NOS1AP: variants seen among roughly 807,000 people sequenced by gnomAD.
The protein encoded by NOS1AP is nitric oxide synthase 1 adaptor protein.
NOS1AP carries 21 observed loss-of-function variants against 56.2 expected under a neutral mutation model. The observed-to-expected ratio is 0.37, with a 90% CI of 0.26 to 0.54. NOS1AP has a LOEUF of 0.54. Among genes scored for constraint, NOS1AP ranks in the 20% least tolerant of loss-of-function variants. The pLI, the probability that NOS1AP is intolerant of heterozygous loss-of-function variation, is 0.84. For synonymous variants in NOS1AP, 270 were observed against 274.6 expected (o/e 0.98, Z 0.17); for missense variants, 522 against 657.8 (o/e 0.79, Z 2.26).
At chr1:162,090,008 C>A (rs1323459463) in intron 1 of NOS1AP, among the ~76,000 whole-genome samples, 1 of 152,140 alleles carries the variant, frequency 6.6e-6, no homozygotes, top group Non-Finnish European at 1.5e-5. Context: ...TCCTTTTTAA[C>A]CCTCATTTAG....
intron 2 of NOS1AP, among the ~76,000 whole-genome samples, chr1:162,243,398 C>T (rs1189895977): frequency 1.3e-5 from 2 of 152,086 alleles, no homozygotes; most frequent in Non-Finnish European, 2.9e-5. Flanking sequence ...TCTGTGTCCT[C>T]GCTTTCCCTC....
intron 3 of NOS1AP, among the ~76,000 whole-genome samples, chr1:162,289,642 T>C (rs1655222810): frequency 2.0e-5 from 3 of 151,606 alleles, no homozygotes; most frequent in Admixed American, 1.3e-4. Context: ...GCCCGGCTAA[T>C]TTTTTATATT....
At chr1:162,279,479 A>C (rs561999401) in intron 2 of NOS1AP, among the ~76,000 whole-genome samples, 4 of 152,210 alleles carry the variant, frequency 2.6e-5, no homozygotes, top group Non-Finnish European at 5.9e-5. Flanking sequence ...CTGTGTGTGC[A>C]TGAACCGCTC....
intron 2 of NOS1AP, among the ~76,000 whole-genome samples, chr1:162,162,680 G>A (rs143126497): frequency 5.9e-5 from 9 of 152,092 alleles, no homozygotes; most frequent in Non-Finnish European, 1.3e-4. Context: ...TACATTATTT[G>A]TGTTTAATTT....
intron 4 of NOS1AP, among the ~76,000 whole-genome samples, chr1:162,320,450 T>A (rs1475970489): frequency 6.6e-6 from 1 of 152,154 alleles, no homozygotes; most frequent in Non-Finnish European, 1.5e-5. Context: ...AAGTATTCGT[T>A]TGCTTGAAAG....
rs556840193 is a variant in NOS1AP at position 162,295,232 on chromosome 1, T to C, written c.271-5401T>C. Among the ~76,000 whole-genome samples, 3 of 152,334 alleles carry C rather than the reference T, an allele frequency of 2.0e-5. No individual in the cohort carries two copies. The East Asian group carries it at 5.8e-4, about 29-fold the overall frequency. ...TCCAATCCCATCTGAACTGAAAATG[T>C]CCTCATTTCCTGGCATATCATGGAG... On this transcript the variant is annotated intron_variant, in intron 3 of 9. Coordinates refer to ENST00000361897, the MANE Select transcript of NOS1AP (RefSeq NM_014697.3).
At chr1:162,155,541 G>A (rs1251730991) in intron 2 of NOS1AP, among the ~76,000 whole-genome samples, 2 of 151,622 alleles carry the variant, frequency 1.3e-5, no homozygotes, top group African/African-American at 2.4e-5. Flanking sequence ...TTTATTGGTT[G>A]GATGCCGTAG....
rs1324911604 is a variant in NOS1AP, at chr1:162,369,335, C to T, written c.*1868C>T. 1 of 152,186 alleles carries T rather than the reference C, an allele frequency of 6.6e-6. No individual in the cohort carries two copies. The highest frequency in any genetic ancestry group is 2.1e-4 in the South Asian group (1 of 4,822). 9.4% of individuals were successfully genotyped at this position (152,186 alleles called of 1,614,324 possible). The stretch of plus-strand genomic sequence containing the variant: ...AACCAGGAAAGTGAGATCCATGAAA[C>T]TAAATGAGCAGCTGTCAGAATCCAG... On this transcript the variant is annotated 3_prime_UTR_variant, in exon 10 of 10. Transcript: ENST00000361897.
chr1:162,366,178 G>A (rs369813319), intron 9 of NOS1AP, among the ~76,000 whole-genome samples: 2 of 152,046 alleles, frequency 1.3e-5, no homozygotes, highest in Admixed American at 6.5e-5. Flanking sequence ...GCTGTAGATC[G>A]CAACACATTT....
At chr1:162,290,117 C>T (rs1327540603) in intron 3 of NOS1AP, among the ~76,000 whole-genome samples, 1 of 152,182 alleles carries the variant, frequency 6.6e-6, no homozygotes, top group Non-Finnish European at 1.5e-5. Flanking sequence ...TCGTGACTCA[C>T]TTTGAAACTA....
Position 162,199,313 on chromosome 1 carries a change from C to A in NOS1AP, c.177+44837C>A, listed in dbSNP as rs1224436798. 5.9e-5 allele frequency among the ~76,000 whole-genome samples: 9 copies of A among 152,144 alleles called. No individual in the cohort carries two copies. In the South Asian group the frequency reaches 8.3e-4, roughly 14 times the overall value. On this transcript the variant is annotated intron_variant, in intron 2 of 9. Transcript: ENST00000361897. ...CAGCACCATTTATGGAATATCTGCT[C>A]CGCTGCTGCATGCCGGTTACGTCCT...
chr1:162,293,846 A>G (rs113034785), intron 3 of NOS1AP, among the ~76,000 whole-genome samples: 108 of 152,382 alleles, frequency 7.1e-4, no homozygotes, highest in Non-Finnish European at 1.2e-3. Context: ...TCTGAGCCTT[A>G]GTGTTCACCT....
intron 1 of NOS1AP, among the ~76,000 whole-genome samples, chr1:162,093,952 C>T (rs967442987): frequency 1.1e-4 from 16 of 152,208 alleles, no homozygotes; most frequent in Admixed American, 7.9e-4. Context: ...ACTTATGTTT[C>T]TAATGATTTT....
intron 2 of NOS1AP, among the ~76,000 whole-genome samples, chr1:162,245,089 T>C (rs1336194729): frequency 6.6e-6 from 1 of 152,110 alleles, no homozygotes; most frequent in African/African-American, 2.4e-5. Context: ...AGGAAACTAG[T>C]AGGATATTTT....
At chr1:162,220,208 C>T (rs894592056) in intron 2 of NOS1AP, among the ~76,000 whole-genome samples, 2 of 152,200 alleles carry the variant, frequency 1.3e-5, no homozygotes, top group Non-Finnish European at 2.9e-5. Flanking sequence ...TGTGAGCCCC[C>T]GTGCTCAGCC....
At chr1:162,307,311 T>A (rs1655866623) in intron 4 of NOS1AP, among the ~76,000 whole-genome samples, 1 of 152,086 alleles carries the variant, frequency 6.6e-6, no homozygotes, top group African/African-American at 2.4e-5. Flanking sequence ...TTGAAATGAG[T>A]GAATAGACTA....
intron 1 of NOS1AP, among the ~76,000 whole-genome samples, chr1:162,104,155 T>C (rs1647407487): frequency 6.6e-6 from 1 of 152,234 alleles, no homozygotes. Context: ...TTATTTCTCC[T>C]TTGCGTATGA....
In NOS1AP at chr1:162,070,084, C is replaced by T. The variant is rs1691627797; in HGVS notation, c.-94C>T. The T allele has an allele frequency of 2.9e-6, 3 of 1,035,284 alleles. No individual in the cohort carries two copies. The highest frequency in any genetic ancestry group is 4.4e-6 in the Non-Finnish European group (3 of 679,808). 64.1% of individuals were successfully genotyped at this position (1,035,284 alleles called of 1,614,324 possible). A position where few individuals can be genotyped will look rare whatever the true frequency, so the allele number is the denominator to read the frequency against. On this transcript the variant is annotated 5_prime_UTR_variant, in exon 1 of 10. Transcript: ENST00000361897. ...AGCGCTCCCAGGCCCCGCCACGCGT[C>T]GCCGCGCCCAGCTCCAGTCTCCCCT...
intron 5 of NOS1AP, among the ~76,000 whole-genome samples, chr1:162,335,202 C>T (rs1656900731): frequency 6.6e-6 from 1 of 152,208 alleles, no homozygotes; most frequent in African/African-American, 2.4e-5. Flanking sequence ...GTTTCCTATA[C>T]CGCTTTCATC....
Sources: allele counts gnomAD v4.1 joint callset (sites outside exome capture counted in the v4.1 genomes callset), GRCh38; gene constraint gnomAD v4.1.1; transcripts MANE v1.5; gene names NCBI Gene and HGNC (gene_info 2026-07-23, HGNC 2026-07-21).